The following DSCAM variants were observed in gnomAD, a reference collection of about 807,000 sequenced individuals.
The protein encoded by DSCAM is DS cell adhesion molecule.
A neutral mutation model predicts 217.7 loss-of-function variants in DSCAM; 47 were observed. The ratio of observed to expected loss-of-function variants is 0.22; its 90% confidence interval spans 0.17 to 0.28. The LOEUF (loss-of-function observed/expected upper bound fraction) is 0.28, where lower values mean the gene tolerates loss of function less well. DSCAM is among the 10% of genes least tolerant of loss of function. The probability of loss-of-function intolerance (pLI) is 1.00; values close to 1 mark genes in which losing one functional copy is unlikely to be tolerated. For missense variants in DSCAM, 2,080 were observed against 2,618.3 expected (o/e 0.79, Z 4.49); for synonymous variants, 1,056 against 1,015.3 (o/e 1.04, Z -0.76).
intron 3 of DSCAM, among the ~76,000 whole-genome samples, chr21:40,528,358 AT>A (rs1192497382): frequency 2.0e-5 from 3 of 152,122 alleles, no homozygotes; most frequent in African/African-American, 7.2e-5. Flanking sequence ...ATAATATACT[AT>A]ATTATACTCC....
At chr21:40,469,697 CAATA>C (rs1262376091) in intron 3 of DSCAM, among the ~76,000 whole-genome samples, 6 of 151,736 alleles carry the variant, frequency 4.0e-5, no homozygotes, top group Non-Finnish European at 7.4e-5. Flanking sequence ...AATATGAAGT[CAATA>C]AATACATGAA....
At chr21:40,796,512 C>A (rs191119936) in intron 1 of DSCAM, among the ~76,000 whole-genome samples, 23 of 152,314 alleles carry the variant, frequency 1.5e-4, no homozygotes, top group African/African-American at 5.5e-4. Flanking sequence ...CCAGAGCCTG[C>A]ACTTTTATCC....
At position 40,139,247 on chromosome 21, in the gene DSCAM, C is replaced by T. The variant is rs565555425; in HGVS notation, c.3406+3311G>A. Among the ~76,000 whole-genome samples, 53 of 151,908 alleles carry T rather than the reference C, an allele frequency of 3.5e-4. No homozygotes were observed. The South Asian group carries it at 5.0e-3, about 14-fold the overall frequency. On this transcript the variant is annotated intron_variant, in intron 18 of 32. Transcript: ENST00000400454. ...AAGTTTATTTTGCGAAGGTTGAGGA[C>T]GTACCCACAACACAGCTTCAGGAGG...
chr21:40,404,956 T>C (rs1282491966), intron 3 of DSCAM, among the ~76,000 whole-genome samples: 2 of 152,208 alleles, frequency 1.3e-5, no homozygotes, highest in Non-Finnish European at 2.9e-5. Flanking sequence ...TGAAATAATT[T>C]AGTGTGGTTA....
At chr21:40,720,250 A>G (rs968016981) in intron 1 of DSCAM, among the ~76,000 whole-genome samples, 2 of 152,226 alleles carry the variant, frequency 1.3e-5, no homozygotes, top group African/African-American at 2.4e-5. Flanking sequence ...AGGTCTTCCA[A>G]AATGAAAGGG....
intron 3 of DSCAM, among the ~76,000 whole-genome samples, chr21:40,658,211 G>T (rs2090097245): frequency 6.6e-6 from 1 of 152,150 alleles, no homozygotes; most frequent in Non-Finnish European, 1.5e-5. Context: ...AGATTCTGCA[G>T]AGACAAAGAA....
In DSCAM at chr21:40,312,282, A is replaced by C. The variant is rs1348979666; in HGVS notation, c.1861T>G (p.Ser621Ala). The C allele has an allele frequency of 6.2e-7, 1 of 1,614,020 alleles. No homozygotes were observed. Among genetic ancestry groups the C allele is most frequent in the Non-Finnish European group, 8.5e-7 (1 of 1,180,026 alleles). Residue 621 changes from serine to alanine, a missense_variant, in exon 9 of 33, where the codon TCA becomes GCA. Around this residue, in one of 5 missense-constraint regions of DSCAM, gnomAD observed 218 missense variants for 364.1 expected, o/e 0.60. Coordinates refer to ENST00000400454, the MANE Select transcript of DSCAM (RefSeq NM_001389.5). ...QRVFIPCVVV[S>A]GDLPITITWQ... is the part of the protein sequence containing the mutation. Reference sequence around the variant, plus strand: ...GTGATCGTGATGGGTAAGTCCCCTGAGACCACAACACAGGGGATGAAGACC... The same window carrying C: ...GTGATCGTGATGGGTAAGTCCCCTGCGACCACAACACAGGGGATGAAGACC...
chr21:40,345,555 C>T (rs1170229210), intron 6 of DSCAM, among the ~76,000 whole-genome samples: 1 of 151,820 alleles, frequency 6.6e-6, no homozygotes, highest in South Asian at 2.1e-4. Context: ...TGGTTTTATC[C>T]TGAACTTATA....
At chr21:40,656,542 G>A (rs1289911814) in intron 3 of DSCAM, among the ~76,000 whole-genome samples, 1 of 151,330 alleles carries the variant, frequency 6.6e-6, no homozygotes, top group African/African-American at 2.4e-5. Flanking sequence ...AAAAAGTTCT[G>A]TCTGCACAAG....
chr21:40,109,439 G>A (rs1371269902), intron 20 of DSCAM, among the ~76,000 whole-genome samples: 1 of 152,186 alleles, frequency 6.6e-6, no homozygotes, highest in African/African-American at 2.4e-5. Flanking sequence ...CAGTGGTGTG[G>A]AGCCAAGATG....
chr21:40,759,126 C>G (rs1391254201), intron 1 of DSCAM, among the ~76,000 whole-genome samples: 1 of 152,068 alleles, frequency 6.6e-6, no homozygotes, highest in African/African-American at 2.4e-5. Context: ...ATAGCTCCTC[C>G]CAGCCTGGGG....
At chr21:40,520,842 G>T (rs1568874016) in intron 3 of DSCAM, among the ~76,000 whole-genome samples, 1 of 152,000 alleles carries the variant, frequency 6.6e-6, no homozygotes, top group Non-Finnish European at 1.5e-5. Context: ...AATATATGTA[G>T]TGTGATGTAG....
At chr21:40,781,864 C>T (rs1038331936) in intron 1 of DSCAM, among the ~76,000 whole-genome samples, 3 of 151,812 alleles carry the variant, frequency 2.0e-5, no homozygotes, top group Non-Finnish European at 4.4e-5. Context: ...AATACCTTCT[C>T]TTGGCTGGGC....
intron 3 of DSCAM, among the ~76,000 whole-genome samples, chr21:40,604,683 G>A (rs2089208886): frequency 6.6e-6 from 1 of 152,122 alleles, no homozygotes; most frequent in Non-Finnish European, 1.5e-5. Context: ...TTCTTGAATA[G>A]AGGCTGCATC....
At chr21:40,617,799 T>C (rs1451842105) in intron 3 of DSCAM, among the ~76,000 whole-genome samples, 1 of 152,206 alleles carries the variant, frequency 6.6e-6, no homozygotes, top group East Asian at 1.9e-4. Flanking sequence ...CAGGTGTCCA[T>C]AGAGTAGCTA....
chr21:40,664,545 C>T (rs1239159424), intron 3 of DSCAM, among the ~76,000 whole-genome samples: 1 of 152,238 alleles, frequency 6.6e-6, no homozygotes, highest in South Asian at 2.1e-4. Flanking sequence ...TCAGCTGTGC[C>T]GAGAATTGCA....
At position 40,187,347 on chromosome 21, in the gene DSCAM, C is replaced by T. The variant is rs1401243066; in HGVS notation, c.2651-88G>A. 70 of 1,519,338 alleles carry T rather than the reference C, an allele frequency of 4.6e-5. 2 individuals carry two copies. The South Asian group carries it at 6.5e-4, about 14-fold the overall frequency. 94.1% of individuals were successfully genotyped at this position (1,519,338 alleles called of 1,614,324 possible). Reference sequence around the variant, plus strand: ...GGAAATGCTGAGCGTGACTCACAAACGATTTGTCTGCATTAGACAAGAACA... The same window carrying T: ...GGAAATGCTGAGCGTGACTCACAAATGATTTGTCTGCATTAGACAAGAACA... On this transcript the variant is annotated intron_variant, in intron 13 of 32. Coordinates refer to ENST00000400454, the MANE Select transcript of DSCAM (RefSeq NM_001389.5).
In DSCAM at chr21:40,220,936, A is replaced by G. The variant is rs58274043; in HGVS notation, c.2357-31698T>C. Among the ~76,000 whole-genome samples the G allele has an allele frequency of 2.4e-4, 37 of 152,294 alleles. No individual in the cohort carries two copies. The East Asian group carries it at 6.9e-3, about 29-fold the overall frequency. ...ACGTGTTGTCTGAGGTCACTCCATCAATGGAGGTTTTAATTTCATTAATCT... is the reference window on the plus strand; with the variant it reads ...ACGTGTTGTCTGAGGTCACTCCATCGATGGAGGTTTTAATTTCATTAATCT... On this transcript the variant is annotated intron_variant, in intron 11 of 32. Coordinates refer to ENST00000400454, the MANE Select transcript of DSCAM (RefSeq NM_001389.5).
At chr21:40,196,514 G>C (rs2091010709) in intron 11 of DSCAM, among the ~76,000 whole-genome samples, 1 of 152,096 alleles carries the variant, frequency 6.6e-6, no homozygotes, top group African/African-American at 2.4e-5. Context: ...AGCCTGGATT[G>C]AAACAACTCA....
Sources: allele counts gnomAD v4.1 joint callset (sites outside exome capture counted in the v4.1 genomes callset), GRCh38; gene constraint gnomAD v4.1.1; regional missense constraint gnomAD v4.1.1; transcripts MANE v1.5; gene names NCBI Gene and HGNC (gene_info 2026-07-23, HGNC 2026-07-21).